Variants in SPEF2 observed in about 807,000 individuals in gnomAD.
The protein encoded by SPEF2 is sperm flagella and cilia-associated protein 2.
In SPEF2, 187 loss-of-function variants were observed where a neutral mutation model predicts 224.6. The ratio of observed to expected loss-of-function variants is 0.83; its 90% CI spans 0.74 to 0.94. The LOEUF is 0.94. Among genes scored for constraint, SPEF2 ranks in the 40% least tolerant of loss-of-function variants. The pLI, the probability that SPEF2 is intolerant of heterozygous loss-of-function variation, is 0.00. For missense variants in SPEF2, 2,170 were observed against 2,135.6 expected (o/e 1.02, Z -0.32); for synonymous variants, 715 against 707.3 (o/e 1.01, Z -0.17).
At chr5:35,802,417 C>T (rs560447360) in intron 34 of SPEF2, among the ~76,000 whole-genome samples, 2 of 152,116 alleles carry the variant, frequency 1.3e-5, no homozygotes, top group Non-Finnish European at 1.5e-5. Context: ...GGACCACTCT[C>T]GATTCGGGGG....
chr5:35,662,410 G>C lies in SPEF2; in HGVS notation c.1167+3203G>C, dbSNP rs556382068. Among the ~76,000 whole-genome samples the C allele has an allele frequency of 2.6e-5, 4 of 152,226 alleles. No individual in the cohort carries two copies. In the East Asian group the frequency reaches 7.7e-4, roughly 29 times the overall value. ...TACTCTGTCAACAGTTTCTTTTGCT[G>C]TGCAGAAGCTCTTTAGTTTAATTAG... On this transcript the variant is annotated intron_variant, in intron 8 of 36. Coordinates refer to ENST00000356031, the MANE Select transcript of SPEF2 (RefSeq NM_024867.4).
At chr5:35,671,423 T>C in intron 10 of SPEF2, 1 of 973,618 alleles carries the variant, frequency 1.0e-6, no homozygotes, top group Non-Finnish European at 1.2e-6. Flanking sequence ...TTAAAAGATA[T>C]ATGTGGATGT....
At chr5:35,623,296 GGTTT>G (rs761481810) in intron 1 of SPEF2, among the ~76,000 whole-genome samples, 25 of 152,200 alleles carry the variant, frequency 1.6e-4, no homozygotes, top group African/African-American at 4.8e-4. Flanking sequence ...CCTTCAGCAG[GGTTT>G]GTTTGTTTGT....
At chr5:35,790,376 T>C (rs1433467872) in intron 30 of SPEF2, 2 of 505,270 alleles carry the variant, frequency 4.0e-6, no homozygotes, top group African/African-American at 2.0e-5. Flanking sequence ...ATTAGCAATA[T>C]GCAAATGTTG....
chr5:35,739,786 A>G, intron 21 of SPEF2, 133 bp from the exon 22 acceptor site: 2 of 912,624 alleles, frequency 2.2e-6, no homozygotes, highest in Non-Finnish European at 3.3e-6. Context: ...GAGGAGCAAG[A>G]AGTCTCACAG....
Position 35,779,347 on chromosome 5 carries a change from G to A in SPEF2, c.4447+1G>A, listed in dbSNP as rs750014376. 3.8e-6 allele frequency: 6 copies of A among 1,586,526 alleles called. No homozygotes were observed. In the South Asian group the frequency reaches 4.7e-5, roughly 12 times the overall value. Reference sequence around the variant, plus strand: ...CAGTTCTTAGATATGGCACCTAAAGGTAGGAAAAATAATTATCATGAAAAG... The same window carrying A: ...CAGTTCTTAGATATGGCACCTAAAGATAGGAAAAATAATTATCATGAAAAG... On this transcript the variant is annotated splice_donor_variant, in intron 30 of 36. Transcript: ENST00000356031. LOFTEE classifies it high-confidence loss of function.
chr5:35,670,156 C>T lies in SPEF2; in HGVS notation c.1453C>T (p.Pro485Ser). 6.2e-7 allele frequency: 1 copy of T among 1,612,226 alleles called. No individual in the cohort carries two copies. The change falls in exon 10 of 37, where the codon CCC becomes TCC. Residue 485 changes from proline (P) to serine (S), a missense_variant. Transcript: ENST00000356031. ...QASVKTLPANPSREQLTELEK... is the reference protein window; with the variant it reads ...QASVKTLPANSSREQLTELEK... ...CTCTGTTAAGACACTACCTGCTAAC[C>T]CCTCAAGAGAACAACTTACAGAACT...
intron 6 of SPEF2, among the ~76,000 whole-genome samples, chr5:35,650,973 C>T (rs566167583): frequency 6.6e-6 from 1 of 152,286 alleles, no homozygotes; most frequent in Admixed American, 6.5e-5. Context: ...CTTTCTTTTG[C>T]CTCACTGTCC....
At chr5:35,669,811 T>C (rs1750981474) in intron 9 of SPEF2, among the ~76,000 whole-genome samples, 1 of 152,058 alleles carries the variant, frequency 6.6e-6, no homozygotes. Context: ...ACGAACAAAC[T>C]GAGTGCTTTT....
chr5:35,798,187 A>G (rs72740771), intron 33 of SPEF2, among the ~76,000 whole-genome samples: 2,242 of 152,262 alleles, frequency 0.015, 42 homozygotes, highest in Non-Finnish European at 0.02. Context: ...CAGCTTGCAG[A>G]TCAAATCACA....
chr5:35,664,593 T>C (rs898840410), intron 8 of SPEF2, among the ~76,000 whole-genome samples: 7 of 151,680 alleles, frequency 4.6e-5, no homozygotes, highest in Non-Finnish European at 8.8e-5. Context: ...GGCAGGAGAA[T>C]TGCTTGAACC....
rs368531087 is a variant in SPEF2, at chr5:35,795,704, C to T, written c.4739C>T (p.Ala1580Val). 9 of 1,610,956 alleles carry T rather than the reference C, an allele frequency of 5.6e-6. No individual in the cohort carries two copies. The highest frequency in any genetic ancestry group is 1.7e-5 in the Admixed American group (1 of 59,396). ...GTITFEQYMQ[A>V]GLWFTGDEDI... ...TTTTCATTTTTATTTTTTATGTAGG[C>T]TGGTCTGTGGTTTACAGGAGATGAA... The change falls in exon 33 of 37, where the codon GCT becomes GTT. Residue 1580 changes from alanine (A) to valine (V), a missense_variant and splice_region_variant. By Grantham distance (64) the Ala-to-Val change is moderately conservative. Transcript: ENST00000356031.
chr5:35,689,138 A>G (rs1386292892), intron 10 of SPEF2, among the ~76,000 whole-genome samples: 3 of 152,184 alleles, frequency 2.0e-5, no homozygotes, highest in Admixed American at 6.5e-5. Flanking sequence ...AGTGTCTTCA[A>G]TTTTAATAAG....
At chr5:35,695,854 G>A (rs1755236779) in intron 14 of SPEF2, 58 bp downstream of exon 14, 4 of 1,287,714 alleles carry the variant, frequency 3.1e-6, no homozygotes, top group Non-Finnish European at 4.3e-6. Context: ...ATGATTAATG[G>A]TGTTTTGGAG....
chr5:35,727,354 A>G (rs1744839576), intron 20 of SPEF2, among the ~76,000 whole-genome samples: 1 of 152,216 alleles, frequency 6.6e-6, no homozygotes, highest in Non-Finnish European at 1.5e-5. Context: ...TGAAATAGTA[A>G]GTGGAATACA....
At chr5:35,635,664 AT>A (rs1157322004) in intron 2 of SPEF2, among the ~76,000 whole-genome samples, 1 of 152,176 alleles carries the variant, frequency 6.6e-6, no homozygotes, top group Non-Finnish European at 1.5e-5. Flanking sequence ...TATTTGGCGA[AT>A]CCAATTTTTC....
In SPEF2 at chr5:35,773,797, C is replaced by T. The variant is rs542594760; in HGVS notation, c.3950-96C>T. ...TTTCCGAATCACTAGAGGTTTATAGCTTAACAAACTTTGCTTTGTGCTCAT... is the reference window on the plus strand; with the variant it reads ...TTTCCGAATCACTAGAGGTTTATAGTTTAACAAACTTTGCTTTGTGCTCAT... On this transcript the variant is annotated intron_variant, in intron 27 of 36. Transcript: ENST00000356031. 37 of 1,403,402 alleles carry T rather than the reference C, an allele frequency of 2.6e-5. No homozygotes were observed. In the African/African-American group the frequency reaches 5.2e-4, roughly 20 times the overall value. 86.9% of individuals were successfully genotyped at this position (1,403,402 alleles called of 1,614,324 possible).
intron 17 of SPEF2, among the ~76,000 whole-genome samples, chr5:35,705,137 C>G (rs1018522604): frequency 6.6e-6 from 1 of 151,868 alleles, no homozygotes; most frequent in African/African-American, 2.4e-5. Flanking sequence ...TGAAATGAAC[C>G]AGGGAAGAGT....
At chr5:35,724,007 C>G (rs1744211861) in intron 20 of SPEF2, among the ~76,000 whole-genome samples, 1 of 152,084 alleles carries the variant, frequency 6.6e-6, no homozygotes, top group Non-Finnish European at 1.5e-5. Flanking sequence ...TAACAAACTA[C>G]CTCTTATAAA....
Sources: gnomAD v4.1 joint callset for allele counts (sites outside exome capture counted in the v4.1 genomes callset) on GRCh38, gnomAD v4.1.1 for gene constraint, MANE v1.5 for transcripts, NCBI Gene and HGNC (gene_info 2026-07-23, HGNC 2026-07-21) for gene names.